Variants in TENM3 observed in about 807,000 individuals in gnomAD.
TENM3 encodes teneurin transmembrane protein 3.
Under a neutral mutation model 255.1 loss-of-function variants are expected in TENM3, and 63 were observed. The ratio of observed to expected loss-of-function variants is 0.25; its 90% CI spans 0.20 to 0.30. The LOEUF (loss-of-function observed/expected upper bound fraction) is 0.30. Among genes scored for constraint, TENM3 ranks in the 10% least tolerant of loss-of-function variants. The pLI, the probability that TENM3 is intolerant of heterozygous loss-of-function variation, is 1.00. For synonymous variants in TENM3, 1,306 were observed against 1,322.3 expected (o/e 0.99, Z 0.27); for missense variants, 2,929 against 3,461.1 (o/e 0.85, Z 3.86).
At chr4:181,697,220 T>C in the TENM3 span, among the ~76,000 whole-genome samples, 1 of 152,174 alleles carries the variant, frequency 6.6e-6, no homozygotes, top group Admixed American at 6.5e-5. Flanking sequence ...GCGAGTGCCT[T>C]GGCTGCCATT....
intron 1 of TENM3, among the ~76,000 whole-genome samples, chr4:182,191,126 T>G (rs1731064034): frequency 3.3e-5 from 5 of 152,234 alleles, no homozygotes; most frequent in African/African-American, 1.2e-4. Flanking sequence ...AGAGTATTAT[T>G]AAACTTGGGT....
At chr4:182,459,269 A>G (rs1774141854) in intron 3 of TENM3, among the ~76,000 whole-genome samples, 1 of 152,164 alleles carries the variant, frequency 6.6e-6, no homozygotes, top group Non-Finnish European at 1.5e-5. Context: ...TCAGTATTAT[A>G]TTGAGAAATG....
chr4:182,770,434 C>T (rs1292579159), intron 22 of TENM3, among the ~76,000 whole-genome samples: 1 of 152,174 alleles, frequency 6.6e-6, no homozygotes, highest in Non-Finnish European at 1.5e-5. Flanking sequence ...AGCCGGGCCC[C>T]TGCACCCCGA....
the TENM3 span, among the ~76,000 whole-genome samples, chr4:181,959,750 T>C: frequency 6.6e-6 from 1 of 152,228 alleles, no homozygotes; most frequent in East Asian, 1.9e-4. Context: ...TTTAAAATAT[T>C]CCAAATAGAA....
At chr4:181,964,062 T>C in the TENM3 span, among the ~76,000 whole-genome samples, 1 of 146,322 alleles carries the variant, frequency 6.8e-6, no homozygotes, top group Non-Finnish European at 1.5e-5. Flanking sequence ...AGCAATGACC[T>C]TCCGATTTTT....
At chr4:182,519,255 T>A (rs1738312908) in intron 3 of TENM3, among the ~76,000 whole-genome samples, 1 of 152,210 alleles carries the variant, frequency 6.6e-6, no homozygotes, top group East Asian at 1.9e-4. Flanking sequence ...TTAAGTAAAC[T>A]GCATTATTCA....
intron 3 of TENM3, among the ~76,000 whole-genome samples, chr4:182,539,456 C>T (rs768452584): frequency 3.3e-5 from 5 of 151,904 alleles, no homozygotes; most frequent in African/African-American, 1.2e-4. Context: ...CCAAGAAGTT[C>T]GGCTATGAAT....
At chr4:182,057,288 CAAAG>C in the TENM3 span, among the ~76,000 whole-genome samples, 2 of 136,212 alleles carry the variant, frequency 1.5e-5, no homozygotes, top group African/African-American at 6.8e-5. Context: ...AGAAATTTCT[CAAAG>C]AGAGAGAGAG....
the TENM3 span, among the ~76,000 whole-genome samples, chr4:181,744,886 G>T: frequency 6.6e-6 from 1 of 152,146 alleles, no homozygotes; most frequent in Non-Finnish European, 1.5e-5. Context: ...AAGTGGGTTG[G>T]GTTGCAGTTT....
chr4:182,764,446 C>T (rs772973285), intron 22 of TENM3, among the ~76,000 whole-genome samples: 3 of 152,056 alleles, frequency 2.0e-5, no homozygotes, highest in Non-Finnish European at 4.4e-5. Flanking sequence ...GATAGTTGTT[C>T]GACAGGCCGT....
intron 3 of TENM3, among the ~76,000 whole-genome samples, chr4:182,498,264 G>T (rs1348723247): frequency 6.6e-6 from 1 of 152,134 alleles, no homozygotes; most frequent in East Asian, 1.9e-4. Context: ...GAAACACCCA[G>T]ATGTAAGTGT....
the TENM3 span, among the ~76,000 whole-genome samples, chr4:181,976,866 A>C: frequency 6.6e-6 from 1 of 152,218 alleles, no homozygotes; most frequent in African/African-American, 2.4e-5. Context: ...AAAAGAAGGA[A>C]CCGACAAATG....
the TENM3 span, among the ~76,000 whole-genome samples, chr4:181,750,761 A>G: frequency 1.8e-4 from 28 of 152,152 alleles, no homozygotes; most frequent in Non-Finnish European, 3.2e-4. Context: ...GGCCACCCAC[A>G]TGTTGGGTAG....
At chr4:182,159,787 A>G (rs2149619880) in intron 1 of TENM3, among the ~76,000 whole-genome samples, 1 of 152,246 alleles carries the variant, frequency 6.6e-6, no homozygotes, top group East Asian at 1.9e-4. Flanking sequence ...ACACGATAGC[A>G]TTAGCGTAGT....
the TENM3 span, among the ~76,000 whole-genome samples, chr4:182,103,553 C>T: frequency 9.2e-5 from 14 of 152,180 alleles, no homozygotes; most frequent in African/African-American, 3.1e-4. Flanking sequence ...CCTACATCTT[C>T]ACTATTAGGT....
intron 5 of TENM3, among the ~76,000 whole-genome samples, chr4:182,633,453 A>G (rs1184592720): frequency 6.6e-6 from 1 of 152,104 alleles, no homozygotes; most frequent in Non-Finnish European, 1.5e-5. Context: ...AAGAGAAGAA[A>G]GGCGATACCT....
intron 4 of TENM3, among the ~76,000 whole-genome samples, chr4:182,620,846 A>G (rs1750053909): frequency 6.6e-6 from 1 of 152,070 alleles, no homozygotes. Flanking sequence ...CTCCTGCCTC[A>G]CCCTCCTGAG....
At chr4:182,476,705 TGA>T in intron 3 of TENM3, among the ~76,000 whole-genome samples, 1 of 152,310 alleles carries the variant, frequency 6.6e-6, no homozygotes, top group East Asian at 1.9e-4. Context: ...GGTCTGACAG[TGA>T]GCTGAACAAT....
chr4:182,560,355 C>G (rs184061135), intron 3 of TENM3, among the ~76,000 whole-genome samples: 3 of 152,224 alleles, frequency 2.0e-5, no homozygotes, highest in Non-Finnish European at 2.9e-5. Context: ...AACATTAACT[C>G]GAGAGTAGAT....
Sources: gnomAD v4.1 joint callset for allele counts (sites outside exome capture counted in the v4.1 genomes callset) on GRCh38, gnomAD v4.1.1 for gene constraint, MANE v1.5 for transcripts, NCBI Gene and HGNC (gene_info 2026-07-23, HGNC 2026-07-21) for gene names.